Variants in MIB1 observed in about 807,000 individuals in gnomAD.
The protein encoded by MIB1 is MIB E3 ubiquitin protein ligase 1.
MIB1 carries 278 observed loss-of-function variants against 124.5 expected under a neutral mutation model. The observed-to-expected ratio is 2.23, with a 90% CI of 2.02 to 2.47. The LOEUF (loss-of-function observed/expected upper bound fraction) is 2.47, where lower values mean the gene tolerates loss of function less well. MIB1 is among the 30% of genes most tolerant of loss of function. The pLI, the probability that MIB1 is intolerant of heterozygous loss-of-function variation, is 0.00. For missense variants in MIB1, 957 were observed against 1,254.4 expected, an observed-to-expected ratio of 0.76 and a Z score of 3.58; for synonymous variants, 446 against 429.4, an observed-to-expected ratio of 1.04 and a Z score of -0.48.
chr18:21,735,351 T>C (rs2040791668), intron 1 of MIB1, among the ~76,000 whole-genome samples: 3 of 152,186 alleles, frequency 2.0e-5, no homozygotes, highest in Non-Finnish European at 2.9e-5. Flanking sequence ...TACTGTGCTT[T>C]TCCCACAGTC....
intron 4 of MIB1, 25 bp downstream of exon 4, chr18:21,773,753 G>A (rs186605718): frequency 6.8e-7 from 1 of 1,471,240 alleles, no homozygotes; most frequent in Non-Finnish European, 9.2e-7. Context: ...GCCATAGCAG[G>A]TGAAAGAAAA....
intron 1 of MIB1, among the ~76,000 whole-genome samples, chr18:21,724,723 AAAAAATAT>A (rs1448520862): frequency 2.2e-4 from 12 of 53,834 alleles, no homozygotes; most frequent in African/African-American, 2.9e-4. Flanking sequence ...AAAAAAAAAA[AAAAAATAT>A]ATATATATAT....
chr18:21,842,212 A>G (rs1236649378), intron 13 of MIB1, among the ~76,000 whole-genome samples: 8 of 152,056 alleles, frequency 5.3e-5, no homozygotes, highest in Non-Finnish European at 7.4e-5. Flanking sequence ...AGAATATGAC[A>G]TAACATTACC....
chr18:21,759,576 G>A (rs1346302792), intron 1 of MIB1, among the ~76,000 whole-genome samples: 3 of 152,126 alleles, frequency 2.0e-5, no homozygotes, highest in African/African-American at 7.2e-5. Context: ...CAGCATTATG[G>A]TGAAGGGTAT....
At chr18:21,810,412 CAA>C (rs1432176301) in intron 10 of MIB1, among the ~76,000 whole-genome samples, 1 of 151,902 alleles carries the variant, frequency 6.6e-6, no homozygotes, top group Admixed American at 6.6e-5. Flanking sequence ...TAAGGAATCT[CAA>C]GAGAGCCCCA....
At chr18:21,845,613 C>T (rs2042128199) in intron 15 of MIB1, among the ~76,000 whole-genome samples, 1 of 151,856 alleles carries the variant, frequency 6.6e-6, no homozygotes, top group Non-Finnish European at 1.5e-5. Flanking sequence ...GTTGAAAAGA[C>T]TTTGTTTCTT....
In MIB1 at chr18:21,724,712, C is replaced by CAAAAAA. The variant is rs1193584277; in HGVS notation, n.167+19600_167+19605dup. On this transcript the variant is annotated intron_variant and non_coding_transcript_variant, in intron 1 of 20. Coordinates refer to the MIB1 transcript ENST00000578646. ...AGAGCAAAACTCTGTCTCCCCCATC[C>CAAAAAA]AAAAAAAAAAAAAAAATATATATAT... Among the ~76,000 whole-genome samples, 7 of 20,754 alleles carry CAAAAAA rather than the reference C, an allele frequency of 3.4e-4. 1 individual carries two copies. The highest frequency in any genetic ancestry group is 1.7e-3 in the African/African-American group (5 of 3,010). The allele number at this position is 20,754 out of a possible 152,430, so 13.6% of individuals were successfully genotyped here.
intron 15 of MIB1, among the ~76,000 whole-genome samples, chr18:21,844,776 A>G (rs768345830): frequency 1.3e-5 from 2 of 152,078 alleles, no homozygotes; most frequent in Non-Finnish European, 2.9e-5. Context: ...ACGTAGTGGT[A>G]TCTTATTGTG....
chr18:21,721,551 G>GGGGAGAGGA (rs1472142186), intron 1 of MIB1, among the ~76,000 whole-genome samples: 1 of 152,100 alleles, frequency 6.6e-6, no homozygotes, highest in Non-Finnish European at 1.5e-5. Context: ...GATAGAATTT[G>GGGGAGAGGA]GGGAGAGGAG....
intron 12 of MIB1, among the ~76,000 whole-genome samples, chr18:21,835,839 A>AC (rs869228746): frequency 0.9 from 103,916 of 115,744 alleles, 47,082 homozygotes; most frequent in South Asian, 0.96. Context: ...ACACACACAC[A>AC]AACACACACG....
chr18:21,747,779 G>T (rs541238252), intron 1 of MIB1, among the ~76,000 whole-genome samples: 5 of 152,206 alleles, frequency 3.3e-5, no homozygotes, highest in South Asian at 2.1e-4. Flanking sequence ...GTGTTCCCAG[G>T]TAGCCACCCA....
intron 1 of MIB1, among the ~76,000 whole-genome samples, chr18:21,729,981 G>C (rs11083310): frequency 0.3 from 45,742 of 152,022 alleles, 8,110 homozygotes; most frequent in African/African-American, 0.48. Context: ...TGTGACTAAG[G>C]TATCTTGATA....
chr18:21,756,068 G>T (rs1340980486), intron 1 of MIB1, among the ~76,000 whole-genome samples: 4 of 152,116 alleles, frequency 2.6e-5, no homozygotes, highest in African/African-American at 4.8e-5. Flanking sequence ...CAGTTTCTTT[G>T]CAGGGGATAG....
chr18:21,754,263 C>T (rs930136327), intron 1 of MIB1, among the ~76,000 whole-genome samples: 2 of 152,220 alleles, frequency 1.3e-5, no homozygotes, highest in African/African-American at 2.4e-5. Context: ...CCCCCTTTAT[C>T]CATCCTCTTG....
chr18:21,786,699 T>C (rs1441240117), intron 6 of MIB1, among the ~76,000 whole-genome samples: 1 of 152,210 alleles, frequency 6.6e-6, no homozygotes, highest in Non-Finnish European at 1.5e-5. Context: ...TTTTATTTTT[T>C]TCCACTGCTT....
At chr18:21,721,532 A>G (rs1414586603) in intron 1 of MIB1, among the ~76,000 whole-genome samples, 1 of 152,038 alleles carries the variant, frequency 6.6e-6, no homozygotes. Flanking sequence ...TGTGACTGGG[A>G]TAGTATCTGA....
chr18:21,760,679 CTG>C (rs1376406040), intron 1 of MIB1, among the ~76,000 whole-genome samples: 1 of 152,162 alleles, frequency 6.6e-6, no homozygotes, highest in African/African-American at 2.4e-5. Flanking sequence ...GAGCTCATGA[CTG>C]TTATCATTGT....
At chr18:21,856,086 C>T (rs1473331508) in intron 18 of MIB1, among the ~76,000 whole-genome samples, 5 of 151,118 alleles carry the variant, frequency 3.3e-5, no homozygotes, top group Non-Finnish European at 2.9e-5. Flanking sequence ...AAAAATTAGC[C>T]GGGCGCGGTG....
rs1568181576 is a variant in MIB1 at position 21,741,099 on chromosome 18, C to T, written c.-485C>T. 6.6e-6 allele frequency among the ~76,000 whole-genome samples: 1 copy of T among 152,018 alleles called. No individual in the cohort carries two copies. Among genetic ancestry groups the T allele is most frequent in the African/African-American group, 2.4e-5 (1 of 41,414 alleles). On this transcript the variant is annotated 5_prime_UTR_variant, in exon 1 of 21. Coordinates refer to ENST00000261537, the MANE Select transcript of MIB1 (RefSeq NM_020774.4). The surrounding 1 kb of genome is among the most constrained non-coding windows in gnomAD (Gnocchi z 5.4). The stretch of plus-strand genomic sequence containing the variant: ...CTGCCCACGGGGGAGGAGGCGGCGC[C>T]GGCGCTTGGGTGCCCGCCCCCGAGC...
Sources: allele counts gnomAD v4.1 joint callset (sites outside exome capture counted in the v4.1 genomes callset), GRCh38; gene constraint gnomAD v4.1.1; non-coding constraint Gnocchi (gnomAD v3.1); transcripts MANE v1.5; gene names NCBI Gene and HGNC (gene_info 2026-07-23, HGNC 2026-07-21).